GABRG1: variants seen among roughly 807,000 people sequenced by gnomAD.
GABRG1 encodes gamma-aminobutyric acid type A receptor subunit gamma1.
Under a neutral mutation model 49.8 loss-of-function variants are expected in GABRG1, and 49 were observed. The observed-to-expected ratio is 0.98, with a 90% CI of 0.78 to 1.25. The LOEUF (loss-of-function observed/expected upper bound fraction) is 1.25, where lower values mean the gene tolerates loss of function less well. Among genes scored for constraint, GABRG1 ranks in the 50% most tolerant of loss-of-function variants. The pLI, the probability that GABRG1 is intolerant of heterozygous loss-of-function variation, is 0.00. For synonymous variants in GABRG1, 232 were observed against 185.1 expected (o/e 1.25, Z -2.06); for missense variants, 552 against 552.3 (o/e 1.00, Z 0.01).
chr4:46,087,400 T>A (rs1318729645), intron 2 of GABRG1, among the ~76,000 whole-genome samples: 2 of 151,664 alleles, frequency 1.3e-5, no homozygotes, highest in African/African-American at 4.8e-5. Flanking sequence ...ATAATATAAG[T>A]ATATTCTAGG....
At chr4:46,107,457 T>C (rs1317040062) in intron 1 of GABRG1, among the ~76,000 whole-genome samples, 2 of 151,066 alleles carry the variant, frequency 1.3e-5, no homozygotes, top group African/African-American at 2.4e-5. Context: ...ACCATCCTCA[T>C]TGTTACTCAG....
chr4:46,057,063 G>T (rs1442498751), intron 7 of GABRG1, among the ~76,000 whole-genome samples: 1 of 151,714 alleles, frequency 6.6e-6, no homozygotes, highest in East Asian at 1.9e-4. Flanking sequence ...AGAAAAATAT[G>T]GAAATAGAAA....
intron 1 of GABRG1, among the ~76,000 whole-genome samples, chr4:46,119,960 T>C (rs1165723159): frequency 4.0e-5 from 6 of 151,748 alleles, no homozygotes; most frequent in African/African-American, 1.4e-4. Flanking sequence ...ATATCTGTTA[T>C]GACTTTCTTT....
At chr4:46,105,881 A>G (rs1720520618) in intron 1 of GABRG1, among the ~76,000 whole-genome samples, 2 of 151,372 alleles carry the variant, frequency 1.3e-5, no homozygotes, top group South Asian at 2.1e-4. Context: ...TTTCCTTTGT[A>G]TTGATTGTTT....
At chr4:46,105,413 G>A (rs549039215) in intron 1 of GABRG1, among the ~76,000 whole-genome samples, 1 of 151,574 alleles carries the variant, frequency 6.6e-6, no homozygotes, top group East Asian at 2.0e-4. Flanking sequence ...TTTTTGTAAT[G>A]TGGTAGAAGA....
intron 1 of GABRG1, among the ~76,000 whole-genome samples, chr4:46,115,293 A>G (rs1392501084): frequency 1.3e-5 from 2 of 150,722 alleles, no homozygotes; most frequent in African/African-American, 4.8e-5. Context: ...ATGTATCCCA[A>G]AAATACAATA....
At chr4:46,080,900 A>G (rs1719541771) in intron 3 of GABRG1, among the ~76,000 whole-genome samples, 1 of 151,892 alleles carries the variant, frequency 6.6e-6, no homozygotes, top group South Asian at 2.1e-4. Context: ...CATTTTAGCA[A>G]TGTACTACTT....
chr4:46,096,599 A>G (rs10517149), intron 2 of GABRG1, among the ~76,000 whole-genome samples: 2,437 of 151,762 alleles, frequency 0.016, 65 homozygotes, highest in African/African-American at 0.056. Context: ...AACCAGAAAG[A>G]AACCTGTTTT....
At chr4:46,041,750 A>G (rs1442912450) in intron 8 of GABRG1, among the ~76,000 whole-genome samples, 1 of 152,046 alleles carries the variant, frequency 6.6e-6, no homozygotes, top group African/African-American at 2.4e-5. Flanking sequence ...ACAAGGCACC[A>G]TATTTGGGAA....
At chr4:46,119,851 A>G (rs2109448381) in intron 1 of GABRG1, among the ~76,000 whole-genome samples, 1 of 151,826 alleles carries the variant, frequency 6.6e-6, no homozygotes, top group African/African-American at 2.4e-5. Flanking sequence ...GACTTAAAAG[A>G]CATTTAAGAA....
At chr4:46,080,202 A>G (rs960668330) in intron 3 of GABRG1, among the ~76,000 whole-genome samples, 20 of 151,998 alleles carry the variant, frequency 1.3e-4, no homozygotes, top group African/African-American at 3.9e-4. Flanking sequence ...CTTAAAAAAA[A>G]CTAATATATT....
chr4:46,067,824 T>C (rs1337626969), intron 3 of GABRG1, among the ~76,000 whole-genome samples: 2 of 152,176 alleles, frequency 1.3e-5, no homozygotes, highest in African/African-American at 4.8e-5. Flanking sequence ...TTAATCATCT[T>C]ATTGAGTAAT....
At position 46,036,291 on chromosome 4, in the gene GABRG1, T is replaced by C. The variant is rs1270874204; in HGVS notation, c.*4697A>G. The C allele has an allele frequency of 6.6e-6, 1 of 151,670 alleles. No individual in the cohort carries two copies. Among genetic ancestry groups the C allele is most frequent in the Non-Finnish European group, 1.5e-5 (1 of 67,822 alleles). The allele number at this position is 151,670 out of a possible 1,614,324, so 9.4% of individuals were successfully genotyped here. Reference sequence around the variant, plus strand: ...CTTATTCTCTTTGTCCAAATATATATATAATTTTATACATATATATATGTA... The same window carrying C: ...CTTATTCTCTTTGTCCAAATATATACATAATTTTATACATATATATATGTA... On this transcript the variant is annotated 3_prime_UTR_variant, in exon 9 of 9. Coordinates refer to ENST00000295452, the MANE Select transcript of GABRG1 (RefSeq NM_173536.4).
rs201612008 is a variant in GABRG1 at position 46,064,484 on chromosome 4, G to A, written c.582C>T (p.Asn194=). ...GACAGGAATGTTCATCCATGGGAAA[G>A]TTATGAAGCTGAAGATAACATTCTG... ...INAECYLQLH[N]FPMDEHSCPL... The change falls in exon 5 of 9, where the codon AAC becomes AAT. Residue 194 remains asparagine (N), a synonymous_variant. Transcript: ENST00000295452. 1.2e-5 allele frequency: 18 copies of A among 1,543,002 alleles called. No individual in the cohort carries two copies. The highest frequency in any genetic ancestry group is 7.9e-5 in the Admixed American group (4 of 50,596).
chr4:46,109,985 T>A (rs1278070937), intron 1 of GABRG1, among the ~76,000 whole-genome samples: 1 of 151,110 alleles, frequency 6.6e-6, no homozygotes, highest in Non-Finnish European at 1.5e-5. Context: ...AAATGTATAT[T>A]CTCTGGTTGA....
At chr4:46,046,948 G>T (rs936476158) in intron 8 of GABRG1, among the ~76,000 whole-genome samples, 3 of 152,044 alleles carry the variant, frequency 2.0e-5, no homozygotes, top group African/African-American at 4.8e-5. Context: ...TAAAGATTTT[G>T]CACAACCTGG....
At position 46,106,906 on chromosome 4, in the gene GABRG1, T is replaced by A. The variant is rs1045161213; in HGVS notation, c.105-9557A>T. On this transcript the variant is annotated intron_variant, in intron 1 of 8. Coordinates refer to ENST00000295452, the MANE Select transcript of GABRG1 (RefSeq NM_173536.4). The stretch of plus-strand genomic sequence containing the variant: ...CAGCTCCAAACGCAACTACATTTAA[T>A]CATTTTTTTAATTAAAAAAATTGTG... Among the ~76,000 whole-genome samples, 9 of 151,234 alleles carry A rather than the reference T, an allele frequency of 6.0e-5. No homozygotes were observed. In the Admixed American group the frequency reaches 6.0e-4, roughly 10 times the overall value.
intron 1 of GABRG1, 129 bp downstream of exon 1, chr4:46,123,681 G>A (rs2109451083): frequency 1.6e-6 from 1 of 639,268 alleles, no homozygotes; most frequent in Admixed American, 2.9e-5. Flanking sequence ...ATAAAACGAT[G>A]GTAAATACCA....
intron 5 of GABRG1, among the ~76,000 whole-genome samples, chr4:46,061,668 C>T (rs1488859857): frequency 1.3e-5 from 2 of 150,784 alleles, no homozygotes; most frequent in Admixed American, 1.3e-4. Context: ...AAGAATATAC[C>T]AGGTTTTTTT....
Sources: gnomAD v4.1 joint callset for allele counts (sites outside exome capture counted in the v4.1 genomes callset) on GRCh38, gnomAD v4.1.1 for gene constraint, MANE v1.5 for transcripts, NCBI Gene and HGNC (gene_info 2026-07-23, HGNC 2026-07-21) for gene names.